ABCA4: variants seen among roughly 807,000 people sequenced by gnomAD.
ABCA4 encodes ATP binding cassette subfamily A member 4.
A neutral mutation model predicts 263.7 loss-of-function variants in ABCA4; 196 were observed. That is an observed-to-expected ratio of 0.74 (90% CI 0.66 to 0.84). ABCA4 has a LOEUF of 0.84. Among genes scored for constraint, ABCA4 ranks in the 40% least tolerant of loss-of-function variants. The pLI is 0.00. For synonymous variants in ABCA4, 1,133 were observed against 1,094.2 expected (o/e 1.04, Z -0.70); for missense variants, 2,792 against 2,855.1 (o/e 0.98, Z 0.50).
intron 5 of ABCA4, among the ~76,000 whole-genome samples, chr1:94,102,801 G>A (rs967313296): frequency 6.6e-6 from 1 of 152,156 alleles, no homozygotes; most frequent in Admixed American, 6.5e-5. Context: ...ATGTTTTAAG[G>A]TCACCAGGAT....
Position 94,055,218 on chromosome 1 carries a change from C to G in ABCA4, c.2480G>C (p.Ser827Thr), listed in dbSNP as rs144018419. ...GCTGAATTCGTCCCCTTCCGTGGGA[C>G]TGTTCCCGATGTTGCTCCACTGCAG... ...LGLQWSNIGN[S>T]PTEGDEFSFL... is the part of the protein sequence containing the mutation. Residue 827 changes from serine (S) to threonine (T), a missense_variant, in exon 16 of 50, where the codon AGT becomes ACT. Ser to Thr is a moderately conservative substitution (Grantham distance 58). Transcript: ENST00000370225. 23 of 1,614,072 alleles carry G rather than the reference C, an allele frequency of 1.4e-5. No individual in the cohort carries two copies. The highest frequency in any genetic ancestry group is 1.9e-5 in the Non-Finnish European group (23 of 1,180,046).
At chr1:94,061,775 G>A (rs1308927667) in intron 13 of ABCA4, among the ~76,000 whole-genome samples, 1 of 152,202 alleles carries the variant, frequency 6.6e-6, no homozygotes, top group Non-Finnish European at 1.5e-5. Context: ...ACTGCAGACT[G>A]GCCACTGTTA....
chr1:94,044,639 A>G lies in ABCA4; in HGVS notation c.3024T>C (p.Cys1008=), dbSNP rs1660619982. 6.2e-7 allele frequency: 1 copy of G among 1,614,046 alleles called. No individual in the cohort carries two copies. The highest frequency in any genetic ancestry group is 1.1e-5 in the South Asian group (1 of 91,084). ...LDAVRQSLGM[C]PQHNILFHHL... ...GGTGGAACAGGATGTTGTGCTGTGG[A>G]CACATGCCAAGGCTCTGCCGGACTG... Residue 1008 remains cysteine, a synonymous_variant, in exon 20 of 50, where the codon TGT becomes TGC. Coordinates refer to ENST00000370225, the MANE Select transcript of ABCA4 (RefSeq NM_000350.3).
intron 26 of ABCA4, among the ~76,000 whole-genome samples, chr1:94,035,682 A>G (rs927330037): frequency 6.6e-6 from 1 of 152,220 alleles, no homozygotes; most frequent in Non-Finnish European, 1.5e-5. Flanking sequence ...CAGGGGCAGC[A>G]AAGGAGAATC....
At chr1:94,037,796 G>A (rs528167144) in intron 24 of ABCA4, among the ~76,000 whole-genome samples, 1 of 152,266 alleles carries the variant, frequency 6.6e-6, no homozygotes, top group East Asian at 1.9e-4. Context: ...ACACAAAGCA[G>A]TTAGAGAAAT....
intron 28 of ABCA4, 40 bp downstream of exon 28, chr1:94,030,956 C>T (rs369205668): frequency 6.2e-7 from 1 of 1,613,366 alleles, no homozygotes; most frequent in Non-Finnish European, 8.5e-7. Context: ...CCAGGTGCCC[C>T]AAACCCACAG....
chr1:94,097,074 A>G (rs931508235), intron 6 of ABCA4, among the ~76,000 whole-genome samples: 11 of 152,202 alleles, frequency 7.2e-5, no homozygotes, highest in Middle Eastern at 3.2e-3. Context: ...CAAGTCAAGG[A>G]GCGTGTCTAA....
chr1:94,027,267 GAAA>G (rs1478734502), intron 30 of ABCA4, among the ~76,000 whole-genome samples: 1 of 152,192 alleles, frequency 6.6e-6, no homozygotes, highest in Non-Finnish European at 1.5e-5. Flanking sequence ...CAACACTACT[GAAA>G]ATAAGTTTCT....
intron 6 of ABCA4, among the ~76,000 whole-genome samples, chr1:94,097,742 G>GGTTT (rs1463423243): frequency 2.0e-5 from 3 of 152,032 alleles, no homozygotes; most frequent in African/African-American, 7.2e-5. Context: ...GGGTTTTTTT[G>GGTTT]GTTTGTTTGT....
chr1:94,023,275 C>T (rs1659948217), intron 32 of ABCA4, 111 bp downstream of exon 32: 9 of 892,678 alleles, frequency 1.0e-5, no homozygotes, highest in Non-Finnish European at 1.6e-5. Flanking sequence ...TTCCTGAGCA[C>T]CTACAGAACA....
rs555989677 is a variant in ABCA4, at chr1:94,116,411, G to A, written c.67-3345C>T. 2.0e-5 allele frequency among the ~76,000 whole-genome samples: 3 copies of A among 152,236 alleles called. No homozygotes were observed. In the East Asian group the frequency reaches 5.8e-4, roughly 29 times the overall value. ...GAATCTTGGGGCATGGGACATCAGG[G>A]TTCTTCTTTTTAACACGTCTCAGGT... On this transcript the variant is annotated intron_variant, in intron 1 of 49. Transcript: ENST00000370225.
intron 27 of ABCA4, 142 bp from the exon 28 acceptor site, chr1:94,031,262 G>T: frequency 8.6e-7 from 1 of 1,159,692 alleles, no homozygotes. Context: ...GGCTTCTGGG[G>T]GAACATAATA....
intron 38 of ABCA4, among the ~76,000 whole-genome samples, chr1:94,012,038 C>T (rs888881503): frequency 2.0e-5 from 3 of 152,170 alleles, no homozygotes; most frequent in Non-Finnish European, 4.4e-5. Context: ...TTCAAGTGGT[C>T]GGACTTGGCA....
At chr1:94,058,824 C>G (rs1392165835) in intron 14 of ABCA4, among the ~76,000 whole-genome samples, 1 of 152,234 alleles carries the variant, frequency 6.6e-6, no homozygotes, top group African/African-American at 2.4e-5. Flanking sequence ...GGCCACTTTT[C>G]TTTTTGTTTC....
At chr1:94,062,280 G>A (rs145632013) in intron 13 of ABCA4, among the ~76,000 whole-genome samples, 7 of 152,256 alleles carry the variant, frequency 4.6e-5, no homozygotes, top group African/African-American at 1.7e-4. Flanking sequence ...ACTACATAGT[G>A]GGGAATTTGT....
intron 5 of ABCA4, among the ~76,000 whole-genome samples, 180 bp from the exon 6 acceptor site, chr1:94,099,171 T>G (rs1017480271): frequency 6.6e-6 from 1 of 152,176 alleles, no homozygotes; most frequent in African/African-American, 2.4e-5. Context: ...CTTTTCTAGG[T>G]GGGCCCCTGT....
chr1:94,110,627 G>C (rs1252298059), intron 3 of ABCA4, among the ~76,000 whole-genome samples: 1 of 152,208 alleles, frequency 6.6e-6, no homozygotes, highest in East Asian at 1.9e-4. Flanking sequence ...TCTGTCTCTA[G>C]AATATGCTCC....
rs190791386 is a variant in ABCA4, at chr1:94,023,820, G to A, written c.4635-402C>T. Among the ~76,000 whole-genome samples the A allele has an allele frequency of 5.6e-3, 846 of 152,220 alleles. 8 individuals carry two copies. Among genetic ancestry groups the A allele is most frequent in the Non-Finnish European group, 6.9e-3 (471 of 68,020 alleles). On this transcript the variant is annotated intron_variant, in intron 31 of 49. Transcript: ENST00000370225. ...TAACAACCACCTGCACACCTCGGGGGAGTTCCGACTCACTCCACAGCCCAA... is the reference window on the plus strand; with the variant it reads ...TAACAACCACCTGCACACCTCGGGGAAGTTCCGACTCACTCCACAGCCCAA...
Position 94,031,881 on chromosome 1 carries a change from G to C in ABCA4, c.4025C>G (p.Pro1342Arg). The C allele has an allele frequency of 6.2e-7, 1 of 1,614,180 alleles. No individual in the cohort carries two copies. The highest frequency in any genetic ancestry group is 8.5e-7 in the Non-Finnish European group (1 of 1,180,032). The change falls in exon 27 of 50, where the codon CCG (proline) becomes CGG (arginine). Residue 1342 changes from proline to arginine, a missense_variant. Physicochemically the swap from Pro to Arg is moderately radical, Grantham distance 103. Coordinates refer to ENST00000370225, the MANE Select transcript of ABCA4 (RefSeq NM_000350.3). ...QPPPEPECPG[P>R]QLNTGTQLVL... ...CAGCTGTGTCCCCGTGTTGAGCTGC[G>C]GGCCTGGGCACTCTGGCTCTGGGGG... is the stretch of plus-strand genomic sequence containing the variant.
Sources: allele counts gnomAD v4.1 joint callset (sites outside exome capture counted in the v4.1 genomes callset), GRCh38; gene constraint gnomAD v4.1.1; transcripts MANE v1.5; gene names NCBI Gene and HGNC (gene_info 2026-07-23, HGNC 2026-07-21).